Variants in ZNF521 observed in about 807,000 individuals in gnomAD.
ZNF521 encodes LYST-interacting protein 3.
Under a neutral mutation model 105.5 loss-of-function variants are expected in ZNF521, and 14 were observed. The observed-to-expected ratio is 0.13, with a 90% CI of 0.09 to 0.21. The LOEUF is 0.21. ZNF521 is among the 10% of genes least tolerant of loss of function. ZNF521 has a pLI of 1.00. For synonymous variants in ZNF521, 635 were observed against 606.0 expected (o/e 1.05, Z -0.70); for missense variants, 1,233 against 1,629.7 (o/e 0.76, Z 4.19).
chr18:25,181,134 A>G (rs1042219874), intron 5 of ZNF521, among the ~76,000 whole-genome samples: 4 of 152,144 alleles, frequency 2.6e-5, no homozygotes, highest in Admixed American at 2.0e-4. Context: ...CTCCCACACA[A>G]CGGTCAGCTT....
chr18:25,325,518 A>G (rs1361568459), intron 2 of ZNF521, among the ~76,000 whole-genome samples: 1 of 152,160 alleles, frequency 6.6e-6, no homozygotes, highest in East Asian at 1.9e-4. Flanking sequence ...TTCCAACTCC[A>G]TTGTTGTGCT....
At chr18:25,293,034 A>G (rs552636309) in intron 3 of ZNF521, among the ~76,000 whole-genome samples, 26 of 152,270 alleles carry the variant, frequency 1.7e-4, no homozygotes, top group East Asian at 7.8e-4. Context: ...CCACTGCCCA[A>G]TGGTTTTCCC....
chr18:25,214,305 C>A (rs961588114), intron 4 of ZNF521, among the ~76,000 whole-genome samples: 1 of 152,004 alleles, frequency 6.6e-6, no homozygotes, highest in Admixed American at 6.6e-5. Context: ...TTAACTTCTG[C>A]GAGTACAAAG....
At chr18:25,164,551 A>G (rs2035304220) in intron 5 of ZNF521, among the ~76,000 whole-genome samples, 1 of 152,186 alleles carries the variant, frequency 6.6e-6, no homozygotes, top group African/African-American at 2.4e-5. Flanking sequence ...TTTAATTTAA[A>G]CTGCATGCGG....
chr18:25,113,203 C>T (rs1212287056), intron 5 of ZNF521, among the ~76,000 whole-genome samples: 1 of 152,048 alleles, frequency 6.6e-6, no homozygotes, highest in Non-Finnish European at 1.5e-5. Flanking sequence ...AGTTCACTTC[C>T]CGATGCTTCC....
chr18:25,129,657 G>A (rs1231375466), intron 5 of ZNF521, among the ~76,000 whole-genome samples: 1 of 152,000 alleles, frequency 6.6e-6, no homozygotes, highest in Non-Finnish European at 1.5e-5. Flanking sequence ...AACTCAATTA[G>A]AAAGTGGCGG....
chr18:25,070,117 GATATT>G (rs1357657884), intron 7 of ZNF521, among the ~76,000 whole-genome samples: 1 of 152,110 alleles, frequency 6.6e-6, no homozygotes, highest in Non-Finnish European at 1.5e-5. Context: ...AAGAATACAA[GATATT>G]AAAGAAGGAA....
chr18:25,323,589 A>G (rs1162404734), intron 2 of ZNF521, among the ~76,000 whole-genome samples: 1 of 152,146 alleles, frequency 6.6e-6, no homozygotes, highest in Non-Finnish European at 1.5e-5. Flanking sequence ...CCACAGGCAC[A>G]CACTGCCATG....
intron 3 of ZNF521, among the ~76,000 whole-genome samples, chr18:25,266,410 T>C (rs1454231402): frequency 6.6e-6 from 1 of 152,234 alleles, no homozygotes; most frequent in Admixed American, 6.5e-5. Flanking sequence ...GATAACAATT[T>C]AGCCTTCTAA....
At chr18:25,125,701 A>G (rs1567973115) in intron 5 of ZNF521, among the ~76,000 whole-genome samples, 1 of 145,154 alleles carries the variant, frequency 6.9e-6, no homozygotes, top group Non-Finnish European at 1.5e-5. Context: ...TTTCTCCAGG[A>G]TAGATTTAGT....
chr18:25,158,045 C>A (rs890943048), intron 5 of ZNF521, among the ~76,000 whole-genome samples: 2 of 152,090 alleles, frequency 1.3e-5, no homozygotes, highest in Non-Finnish European at 2.9e-5. Flanking sequence ...TCAGCCACTG[C>A]GCCTGGCCTA....
At chr18:25,111,022 C>T (rs931888117) in intron 5 of ZNF521, among the ~76,000 whole-genome samples, 5 of 151,952 alleles carry the variant, frequency 3.3e-5, no homozygotes, top group Non-Finnish European at 7.4e-5. Flanking sequence ...CTCAGCCTCC[C>T]GAAGTGCTGG....
intron 5 of ZNF521, among the ~76,000 whole-genome samples, chr18:25,149,857 C>G (rs895714164): frequency 6.6e-6 from 1 of 152,132 alleles, no homozygotes; most frequent in Admixed American, 6.6e-5. Context: ...GCAATGATAG[C>G]TGATGATGTC....
chr18:25,308,925 AT>A (rs1208588576), intron 3 of ZNF521, among the ~76,000 whole-genome samples: 1 of 152,092 alleles, frequency 6.6e-6, no homozygotes, highest in Non-Finnish European at 1.5e-5. Context: ...AATCAATATA[AT>A]AATATTTATA....
chr18:25,349,290 T>C (rs1267237200), intron 2 of ZNF521, among the ~76,000 whole-genome samples: 1 of 152,162 alleles, frequency 6.6e-6, no homozygotes, highest in Non-Finnish European at 1.5e-5. Flanking sequence ...ACCGTTACCC[T>C]GACACCCGCG....
chr18:25,306,364 A>G (rs1353799492), intron 3 of ZNF521, among the ~76,000 whole-genome samples: 1 of 152,204 alleles, frequency 6.6e-6, no homozygotes, highest in Non-Finnish European at 1.5e-5. Context: ...TGAACAGTAA[A>G]ATTAAATTTG....
intron 5 of ZNF521, among the ~76,000 whole-genome samples, chr18:25,136,212 G>T (rs2034730356): frequency 6.6e-6 from 1 of 152,166 alleles, no homozygotes; most frequent in Admixed American, 6.5e-5. Flanking sequence ...TGCAGAAAGT[G>T]CATAGTGATT....
intron 3 of ZNF521, among the ~76,000 whole-genome samples, chr18:25,318,233 T>C (rs1912747679): frequency 6.6e-6 from 1 of 152,176 alleles, no homozygotes; most frequent in Non-Finnish European, 1.5e-5. Flanking sequence ...GTGCACGCCG[T>C]ACAATTTCAT....
At chr18:25,211,315 G>GT (rs1386554165) in intron 4 of ZNF521, among the ~76,000 whole-genome samples, 15 of 152,066 alleles carry the variant, frequency 9.9e-5, no homozygotes, top group African/African-American at 3.6e-4. Flanking sequence ...AGTTTTGGGA[G>GT]TTTTTTGTTT....
Sources: allele counts gnomAD v4.1 joint callset (sites outside exome capture counted in the v4.1 genomes callset), GRCh38; gene constraint gnomAD v4.1.1; transcripts MANE v1.5; gene names NCBI Gene and HGNC (gene_info 2026-07-23, HGNC 2026-07-21).